Variants in AKAP13 observed in about 807,000 individuals in gnomAD.
The protein encoded by AKAP13 is A-kinase anchor protein 13.
AKAP13 carries 80 observed loss-of-function variants against 264.5 expected under a neutral mutation model. That is an observed-to-expected ratio of 0.30 (90% CI 0.25 to 0.36). The LOEUF (loss-of-function observed/expected upper bound fraction) is 0.36. AKAP13 is among the 10% of genes least tolerant of loss of function. AKAP13 has a pLI of 1.00. For missense variants in AKAP13, 3,712 were observed against 3,435.2 expected, an observed-to-expected ratio of 1.08 and a Z score of -2.01; for synonymous variants, 1,380 against 1,250.2, an observed-to-expected ratio of 1.10 and a Z score of -2.19.
rs149855574 is a variant in AKAP13 at position 85,639,404 on chromosome 15, C to T, written c.4192C>T (p.Pro1398Ser). The part of the protein sequence containing the change: ...INRENWCTIE[P>S]CPDAASLLAS... ...CCGAGAAAACTGGTGTACAATAGAG[C>T]CATGCCCTGATGCAGCATCTCTTCT... The change falls in exon 9 of 37, where the codon CCA (proline) becomes TCA (serine). Residue 1398 changes from proline (P) to serine (S), a missense_variant. Around this residue, in one of 3 missense-constraint regions of AKAP13, gnomAD observed 2,759 missense variants for 2,411.7 expected, o/e 1.14. Transcript: ENST00000394518. 1.4e-5 allele frequency: 23 copies of T among 1,612,436 alleles called. No homozygotes were observed. In the African/African-American group the frequency reaches 2.8e-4, roughly 20 times the overall value.
chr15:85,568,991 T>G (rs376791155), intron 5 of AKAP13, among the ~76,000 whole-genome samples: 2 of 152,122 alleles, frequency 1.3e-5, no homozygotes, highest in African/African-American at 4.8e-5. Flanking sequence ...GGATTTGAAA[T>G]AAGGAGCTGA....
rs1407528520 is a variant in AKAP13 at position 85,744,656 on chromosome 15, G to A, written c.8421G>A (p.Glu2807=). The change falls in exon 37 of 37, where the codon GAG becomes GAA. Residue 2807 remains glutamate, a synonymous_variant. Coordinates refer to ENST00000394518, the MANE Select transcript of AKAP13 (RefSeq NM_007200.5). ...GTCCCGCGTCAGAAGTATCAGCAGA[G>A]GGTGAAGAGATCTTCTGCTGACCCT... is the stretch of plus-strand genomic sequence containing the variant. ...GDGPASEVSA[E]GEEIFC The A allele has an allele frequency of 3.7e-6, 6 of 1,611,872 alleles. No individual in the cohort carries two copies. The highest frequency in any genetic ancestry group is 5.1e-6 in the Non-Finnish European group (6 of 1,179,182).
chr15:85,521,898 AG>A (rs1010444539), intron 3 of AKAP13, among the ~76,000 whole-genome samples: 1 of 152,222 alleles, frequency 6.6e-6, no homozygotes, highest in Non-Finnish European at 1.5e-5. Context: ...TGAAAATTCA[AG>A]GATTTAAAGA....
rs774600914 is a variant in AKAP13 at position 85,579,868 on chromosome 15, A to G, written c.1800A>G (p.Gly600=). The change falls in exon 7 of 37, where the codon GGA becomes GGG. Residue 600 remains glycine, a synonymous_variant. Coordinates refer to ENST00000394518, the MANE Select transcript of AKAP13 (RefSeq NM_007200.5). ...PAAAKDKISD[G]LEPYTLLAAG... ...CTGCAAAAGACAAGATTTCAGATGG[A>G]TTAGAACCTTATACTCTCTTAGCAG... The G allele has an allele frequency of 4.3e-5, 70 of 1,614,214 alleles. No homozygotes were observed. In the Middle Eastern group the frequency reaches 6.6e-4, roughly 15 times the overall value.
intron 13 of AKAP13, among the ~76,000 whole-genome samples, chr15:85,665,731 A>C (rs1165926769): frequency 1.3e-5 from 2 of 151,524 alleles, no homozygotes; most frequent in African/African-American, 4.9e-5. Context: ...CCCCGTGTCC[A>C]AGTGTTCTCA....
chr15:85,655,678 G>A lies in AKAP13; in HGVS notation c.4636G>A (p.Ala1546Thr). 2 of 1,614,212 alleles carry A rather than the reference G, an allele frequency of 1.2e-6. No individual in the cohort carries two copies. The highest frequency in any genetic ancestry group is 8.5e-7 in the Non-Finnish European group (1 of 1,180,032). Residue 1546 changes from alanine to threonine, a missense_variant, in exon 11 of 37, where the codon GCA (alanine) becomes ACA (threonine). Transcript: ENST00000394518. ...GATGGACAGTATCACTGAAGTGCCTGCAAACTGCTCTGTCCTAAGGAGCTC... is the reference window on the plus strand; with the variant it reads ...GATGGACAGTATCACTGAAGTGCCTACAAACTGCTCTGTCCTAAGGAGCTC... ...EEMDSITEVP[A>T]NCSVLRSSMR...
At chr15:85,733,340 T>A (rs2088189656) in intron 30 of AKAP13, among the ~76,000 whole-genome samples, 1 of 152,250 alleles carries the variant, frequency 6.6e-6, no homozygotes. Flanking sequence ...AGACTGATAA[T>A]AATTTGATTT....
chr15:85,746,100 C>T lies in AKAP13; in HGVS notation c.*1423C>T, dbSNP rs1350661040. The T allele has an allele frequency of 3.9e-5, 6 of 152,588 alleles. No homozygotes were observed. The East Asian group carries it at 5.8e-4, about 15-fold the overall frequency. 9.5% of individuals were successfully genotyped at this position (152,588 alleles called of 1,614,324 possible). ...GCCCTGGAAAATTTTGTGCTTCCAA[C>T]GTGGCCTTCAATTCTTGCTTTTTTG... On this transcript the variant is annotated 3_prime_UTR_variant, in exon 37 of 37. Transcript: ENST00000394518.
intron 1 of AKAP13, among the ~76,000 whole-genome samples, chr15:85,406,060 C>T (rs753088475): frequency 6.6e-6 from 1 of 152,170 alleles, no homozygotes; most frequent in African/African-American, 2.4e-5. Flanking sequence ...CTATGTTGCC[C>T]AGGCTGGTTT....
At chr15:85,658,203 T>A (rs193059435) in intron 11 of AKAP13, among the ~76,000 whole-genome samples, 1 of 152,340 alleles carries the variant, frequency 6.6e-6, no homozygotes, top group East Asian at 1.9e-4. Context: ...TACCTGCATG[T>A]AGTATAACCT....
Position 85,718,909 on chromosome 15 carries a change from C to A in AKAP13, c.6002-167C>A, listed in dbSNP as rs1029989540. ...GCCAGAACCTGTCTTAAAAAAAAAA[C>A]AAAAAAACAAAAAAACGAGAACACT... On this transcript the variant is annotated intron_variant, in intron 22 of 36. Coordinates refer to ENST00000394518, the MANE Select transcript of AKAP13 (RefSeq NM_007200.5). The surrounding 1 kb of genome is among the most constrained non-coding windows in gnomAD (Gnocchi z 4.9). 1.0e-4 allele frequency: 95 copies of A among 917,466 alleles called. No homozygotes were observed. The highest frequency in any genetic ancestry group is 6.4e-4 in the Admixed American group (21 of 32,932). 56.8% of individuals were successfully genotyped at this position (917,466 alleles called of 1,614,324 possible). A position where few individuals can be genotyped will look rare whatever the true frequency, so the allele number is the denominator to read the frequency against.
intron 29 of AKAP13, among the ~76,000 whole-genome samples, chr15:85,728,628 C>T (rs766331118): frequency 6.6e-6 from 1 of 152,118 alleles, no homozygotes; most frequent in Non-Finnish European, 1.5e-5. Flanking sequence ...GCTCATCCTG[C>T]CTCTAGTAAG....
At chr15:85,389,171 G>A (rs983340889) in intron 1 of AKAP13, among the ~76,000 whole-genome samples, 1 of 152,188 alleles carries the variant, frequency 6.6e-6, no homozygotes, top group African/African-American at 2.4e-5. Flanking sequence ...ACTACTGGGT[G>A]TGAGACTCAT....
At chr15:85,408,805 C>T (rs34786814) in intron 1 of AKAP13, among the ~76,000 whole-genome samples, 38,184 of 151,706 alleles carry the variant, frequency 0.25, 6,455 homozygotes, top group Non-Finnish European at 0.37. Flanking sequence ...AGACATCTTT[C>T]GAAGTCCCTG....
At chr15:85,426,865 A>G (rs1437954605) in intron 1 of AKAP13, among the ~76,000 whole-genome samples, 1 of 151,176 alleles carries the variant, frequency 6.6e-6, no homozygotes, top group Admixed American at 6.6e-5. Context: ...TGTGGCCATC[A>G]TTGGTATGTA....
At chr15:85,598,445 G>A (rs148397163) in intron 8 of AKAP13, among the ~76,000 whole-genome samples, 86 of 152,292 alleles carry the variant, frequency 5.6e-4, no homozygotes, top group African/African-American at 7.7e-4. Flanking sequence ...AGCGGGAGAG[G>A]CATGGAAAAA....
chr15:85,609,746 C>G (rs147981804), intron 8 of AKAP13, among the ~76,000 whole-genome samples: 1 of 152,348 alleles, frequency 6.6e-6, no homozygotes, highest in African/African-American at 2.4e-5. Context: ...TGTAACCAGA[C>G]ATTGTGCTAT....
intron 1 of AKAP13, among the ~76,000 whole-genome samples, chr15:85,390,794 A>G (rs2070819375): frequency 6.6e-6 from 1 of 152,202 alleles, no homozygotes; most frequent in African/African-American, 2.4e-5. Context: ...AAAGGAAAGA[A>G]AGAAATTAAG....
At chr15:85,557,407 A>G (rs1268807971) in intron 5 of AKAP13, among the ~76,000 whole-genome samples, 1 of 152,222 alleles carries the variant, frequency 6.6e-6, no homozygotes, top group Non-Finnish European at 1.5e-5. Context: ...GATATTTCAC[A>G]TTTGATTCAG....
Sources: allele counts gnomAD v4.1 joint callset (sites outside exome capture counted in the v4.1 genomes callset), GRCh38; gene constraint gnomAD v4.1.1; regional missense constraint gnomAD v4.1.1; non-coding constraint Gnocchi (gnomAD v3.1); transcripts MANE v1.5; gene names NCBI Gene and HGNC (gene_info 2026-07-23, HGNC 2026-07-21).